Variants in DMD observed in about 807,000 individuals in gnomAD.
DMD encodes dystrophin, also known as mutant dystrophin.
In DMD, 63 loss-of-function variants were observed where a neutral mutation model predicts 330.1. The observed-to-expected ratio is 0.19, with a 90% CI of 0.16 to 0.24. The LOEUF is 0.24. Among genes scored for constraint, DMD ranks in the 10% least tolerant of loss-of-function variants. The pLI, the probability that DMD is intolerant of heterozygous loss-of-function variation, is 1.00. For synonymous variants in DMD, 1,223 were observed against 959.8 expected (o/e 1.27, Z -5.07); for missense variants, 3,344 against 2,684.1 (o/e 1.25, Z -5.43).
chrX:31,576,620 G>A (rs1470097217), intron 55 of DMD, among the ~76,000 whole-genome samples: 10 of 110,749 alleles, frequency 9.0e-5, no homozygotes, highest in Non-Finnish European at 1.9e-4. Context: ...GTTCACAGCA[G>A]ATCAGCTTTC....
At chrX:32,773,270 TTTTAG>T (rs986604887) in intron 7 of DMD, among the ~76,000 whole-genome samples, 3 of 110,531 alleles carry the variant, frequency 2.7e-5, no homozygotes, top group African/African-American at 9.8e-5. Context: ...TCGTTAATTA[TTTTAG>T]TTATTATGAC....
At chrX:31,904,891 T>C (rs901185815) in intron 47 of DMD, among the ~76,000 whole-genome samples, 6 of 111,934 alleles carry the variant, frequency 5.4e-5, no homozygotes, top group Non-Finnish European at 7.5e-5. Flanking sequence ...TATGCAGCAA[T>C]AGACAACTAA....
intron 1 of DMD, among the ~76,000 whole-genome samples, chrX:33,064,349 A>G (rs777911942): frequency 2.2e-4 from 25 of 111,483 alleles, no homozygotes; most frequent in Non-Finnish European, 4.0e-4. Flanking sequence ...AAAAAAACAC[A>G]GGAAGACTAT....
chrX:32,562,037 A>C lies in DMD; in HGVS notation c.1992+3665T>G, dbSNP rs571077993. ...TATTTCATAATTATGATCAAGATAA[A>C]ATATATATCGATCAGGGCCAAGGCA... On this transcript the variant is annotated intron_variant, in intron 16 of 78. Transcript: ENST00000357033. Among the ~76,000 whole-genome samples the C allele has an allele frequency of 4.5e-5, 5 of 111,830 alleles. No individual in the cohort carries two copies. The South Asian group carries it at 1.9e-3, about 42-fold the overall frequency.
intron 22 of DMD, 100 bp from the exon 23 acceptor site, chrX:32,468,810 A>C (rs2040324255): frequency 1.5e-6 from 1 of 687,917 alleles, no homozygotes; most frequent in Admixed American, 2.9e-5. Flanking sequence ...TGATTCAAAC[A>C]TGTAAACAAA....
intron 37 of DMD, among the ~76,000 whole-genome samples, chrX:32,358,018 G>A (rs2097812050): frequency 9.1e-6 from 1 of 110,074 alleles, no homozygotes; most frequent in Non-Finnish European, 1.9e-5. Flanking sequence ...TCATCAAACA[G>A]TAAGCTCCTT....
At chrX:32,162,452 C>G (rs747285833) in intron 44 of DMD, among the ~76,000 whole-genome samples, 16 of 111,042 alleles carry the variant, frequency 1.4e-4, no homozygotes, top group South Asian at 3.9e-4. Context: ...ATCAAAGACT[C>G]TCAGAGATTT....
intron 44 of DMD, among the ~76,000 whole-genome samples, chrX:32,075,420 CTA>C (rs1015296490): frequency 1.8e-5 from 2 of 111,795 alleles, no homozygotes; most frequent in Admixed American, 1.9e-4. Flanking sequence ...CGTGCTTTCA[CTA>C]TAGTTACTTA....
chrX:32,280,359 A>G (rs1376630328), intron 43 of DMD, among the ~76,000 whole-genome samples: 1 of 109,454 alleles, frequency 9.1e-6, no homozygotes, highest in Non-Finnish European at 1.9e-5. Context: ...AACAGTGGCC[A>G]TGGAATAGGA....
intron 21 of DMD, among the ~76,000 whole-genome samples, chrX:32,483,387 G>A (rs1466793948): frequency 5.6e-5 from 6 of 106,205 alleles, no homozygotes; most frequent in Non-Finnish European, 3.9e-5. Context: ...ATGGAGAGCT[G>A]TATGAATAGA....
At position 32,478,167 on chromosome X, in the gene DMD, T is replaced by C. The variant is rs147612080; in HGVS notation, c.2804-5858A>G. Reference sequence around the variant, plus strand: ...GAAAGAGATGATATGTTAGTAGTCTTAATATTGACAGCATTTAAAAACATT... The same window carrying C: ...GAAAGAGATGATATGTTAGTAGTCTCAATATTGACAGCATTTAAAAACATT... On this transcript the variant is annotated intron_variant, in intron 21 of 78. Coordinates refer to ENST00000357033, the MANE Select transcript of DMD (RefSeq NM_004006.3). Among the ~76,000 whole-genome samples the C allele has an allele frequency of 3.1e-3, 341 of 111,467 alleles. 7 individuals carry two copies. The East Asian group carries it at 0.092, about 30-fold the overall frequency.
intron 43 of DMD, among the ~76,000 whole-genome samples, chrX:32,280,039 C>CCACATATATATATACCT (rs1569555720): frequency 1.0e-4 from 8 of 76,905 alleles, no homozygotes; most frequent in African/African-American, 3.3e-4. Context: ...TATATATACC[C>CCACATATATATATACCT]CACATATATA....
intron 7 of DMD, among the ~76,000 whole-genome samples, chrX:32,734,852 C>T (rs1203786968): frequency 1.9e-5 from 2 of 103,179 alleles, no homozygotes; most frequent in African/African-American, 7.5e-5. Context: ...TGAAAACTGG[C>T]ACAAGACAGG....
chrX:31,901,636 T>A (rs1406313816), intron 47 of DMD, among the ~76,000 whole-genome samples: 1 of 111,917 alleles, frequency 8.9e-6, no homozygotes, highest in East Asian at 2.8e-4. Flanking sequence ...ATTTCTATTC[T>A]TTATTTAGAA....
chrX:31,866,506 C>CA (rs762731226), intron 48 of DMD, among the ~76,000 whole-genome samples: 2 of 112,007 alleles, frequency 1.8e-5, no homozygotes, highest in Non-Finnish European at 3.8e-5. Flanking sequence ...AAGGCTCCTC[C>CA]ACAAATATTG....
chrX:33,103,519 T>G (rs1603285537), intron 1 of DMD, among the ~76,000 whole-genome samples: 1 of 110,979 alleles, frequency 9.0e-6, no homozygotes, highest in East Asian at 2.9e-4. Flanking sequence ...ACTGAGCACC[T>G]TGTGACCCCC....
intron 4 of DMD, among the ~76,000 whole-genome samples, chrX:32,837,802 C>T (rs1361309993): frequency 2.7e-5 from 3 of 112,056 alleles, no homozygotes; most frequent in African/African-American, 9.7e-5. Context: ...GAGCTCTGGC[C>T]ATTCCATAGG....
intron 30 of DMD, among the ~76,000 whole-genome samples, chrX:32,396,402 G>A (rs1037588346): frequency 1.8e-5 from 2 of 110,866 alleles, no homozygotes; most frequent in African/African-American, 3.3e-5. Flanking sequence ...AGTGAAATTC[G>A]CATATTTGTA....
intron 16 of DMD, among the ~76,000 whole-genome samples, chrX:32,558,217 T>A (rs2050546397): frequency 9.0e-6 from 1 of 111,548 alleles, no homozygotes; most frequent in Non-Finnish European, 1.9e-5. Context: ...TCTTCTGGAT[T>A]CATATTAAAT....
Sources: gnomAD v4.1 joint callset for allele counts (sites outside exome capture counted in the v4.1 genomes callset) on GRCh38, gnomAD v4.1.1 for gene constraint, MANE v1.5 for transcripts, NCBI Gene and HGNC (gene_info 2026-07-23, HGNC 2026-07-21) for gene names.